Variants in VIRMA observed in about 807,000 individuals in gnomAD.
VIRMA encodes vir like m6A methyltransferase associated, also known as protein virilizer homolog.
In VIRMA, 65 loss-of-function variants were observed where a neutral mutation model predicts 182.4. That is an observed-to-expected ratio of 0.36 (90% CI 0.29 to 0.44). VIRMA has a LOEUF of 0.44. Among genes scored for constraint, VIRMA ranks in the 20% least tolerant of loss-of-function variants. The pLI, the probability that VIRMA is intolerant of heterozygous loss-of-function variation, is 1.00. For synonymous variants in VIRMA, 709 were observed against 743.1 expected (o/e 0.95, Z 0.75); for missense variants, 1,752 against 2,158.1 (o/e 0.81, Z 3.73).
intron 15 of VIRMA, 140 bp downstream of exon 15, chr8:94,509,548 A>G: frequency 1.2e-6 from 1 of 850,396 alleles, no homozygotes; most frequent in South Asian, 2.2e-5. Context: ...CAGAGAACCC[A>G]TGAACAACAG....
In VIRMA at chr8:94,538,295, G is replaced by T; in HGVS notation, c.231C>A (p.Ser77Arg). The T allele has an allele frequency of 6.2e-7, 1 of 1,613,448 alleles. No homozygotes were observed. The highest frequency in any genetic ancestry group is 8.5e-7 in the Non-Finnish European group (1 of 1,179,512). ...FQLDLFFNNV[S>R]KPSAPVFDRL... ...TATCGAAAACAGGGGCACTTGGTTTGCTTACATTGTTGAAGAATAAGTCTA... is the reference window on the plus strand; with the variant it reads ...TATCGAAAACAGGGGCACTTGGTTTTCTTACATTGTTGAAGAATAAGTCTA... The change falls in exon 3 of 24, where the codon AGC becomes AGA. Residue 77 changes from serine (S) to arginine (R), a missense_variant. Ser to Arg is a moderately radical substitution (Grantham distance 110, BLOSUM62 -1). Around this residue, in one of 11 missense-constraint regions of VIRMA, gnomAD observed 195 missense variants for 191.7 expected, o/e 1.02. Transcript: ENST00000297591.
At chr8:94,494,523 C>T (rs1813703170) in intron 20 of VIRMA, among the ~76,000 whole-genome samples, 1 of 126,880 alleles carries the variant, frequency 7.9e-6, no homozygotes, top group Non-Finnish European at 1.5e-5. Context: ...ACCCGGGAAA[C>T]GGAGGTTGCA....
At chr8:94,546,958 T>C (rs12334990) in intron 1 of VIRMA, 18,454 of 455,454 alleles carry the variant, frequency 0.041, 586 homozygotes, top group Non-Finnish European at 0.051. Flanking sequence ...CTCATTTTTA[T>C]GCCCTCACTC....
chr8:94,543,247 A>C (rs537167250), intron 2 of VIRMA, among the ~76,000 whole-genome samples: 25 of 151,900 alleles, frequency 1.6e-4, no homozygotes, highest in African/African-American at 6.0e-4. Context: ...TCTACTAAAA[A>C]TACAAAAAAT....
chr8:94,512,719 G>C (rs1006041940), intron 11 of VIRMA, among the ~76,000 whole-genome samples: 1 of 152,188 alleles, frequency 6.6e-6, no homozygotes, highest in African/African-American at 2.4e-5. Flanking sequence ...CAAGACTAGA[G>C]TAAACTGTGA....
chr8:94,515,095 A>AT, intron 10 of VIRMA, 144 bp from the exon 11 acceptor site: 1 of 427,260 alleles, frequency 2.3e-6, no homozygotes. Context: ...CATGCATCTA[A>AT]TTCTTTTTTT....
chr8:94,511,969 GT>G, intron 12 of VIRMA, 26 bp downstream of exon 12: 1 of 1,339,826 alleles, frequency 7.5e-7, no homozygotes, highest in Non-Finnish European at 1.0e-6. Flanking sequence ...AAGAATCGTA[GT>G]TTTTAAAATA....
intron 22 of VIRMA, among the ~76,000 whole-genome samples, chr8:94,490,739 C>T (rs931276361): frequency 7.3e-5 from 11 of 151,724 alleles, no homozygotes; most frequent in Admixed American, 1.3e-4. Flanking sequence ...CCCAGTTACT[C>T]GGGAGGTTGA....
chr8:94,543,978 G>A (rs189516191), intron 1 of VIRMA, 36 bp from the exon 2 acceptor site: 147 of 1,031,724 alleles, frequency 1.4e-4, no homozygotes, highest in Middle Eastern at 4.1e-4. Context: ...GGAGGGGTTC[G>A]GAACATTATG....
intron 1 of VIRMA, among the ~76,000 whole-genome samples, chr8:94,544,530 G>A (rs995514798): frequency 4.0e-5 from 6 of 151,842 alleles, no homozygotes; most frequent in East Asian, 1.9e-4. Flanking sequence ...GTGCAGTGGC[G>A]GGCACCTGTA....
At position 94,492,749 on chromosome 8, in the gene VIRMA, G is replaced by A. The variant is rs754583596; in HGVS notation, c.4711C>T (p.Arg1571Cys). The change falls in exon 21 of 24, where the codon CGC becomes TGC. Residue 1571 changes from arginine to cysteine, a missense_variant. By Grantham distance (180) the Arg-to-Cys change is radical. Coordinates refer to ENST00000297591, the MANE Select transcript of VIRMA (RefSeq NM_015496.5). Reference sequence around the variant, plus strand: ...GATGATGGTTCTGACAAAAATGAGCGCTCTAATTCTGAGTGCAAATCAAAG... The same window carrying A: ...GATGATGGTTCTGACAAAAATGAGCACTCTAATTCTGAGTGCAAATCAAAG... The part of the protein sequence containing the change: ...SDFDLHSELE[R>C]SFLSEPSSPG... The A allele has an allele frequency of 9.9e-6, 16 of 1,613,566 alleles. No homozygotes were observed. In the Middle Eastern group the frequency reaches 5.0e-4, roughly 50 times the overall value.
chr8:94,496,101 C>A, intron 18 of VIRMA: 1 of 615,410 alleles, frequency 1.6e-6, no homozygotes, highest in Non-Finnish European at 2.7e-6. Flanking sequence ...GGGTACCCTG[C>A]TTCCAAGGAA....
intron 4 of VIRMA, among the ~76,000 whole-genome samples, chr8:94,535,781 C>CA (rs56126709): frequency 0.094 from 8,267 of 87,576 alleles, 253 homozygotes; most frequent in South Asian, 0.14. Flanking sequence ...GACTTGGTCT[C>CA]AAAAAAAAAA....
intron 8 of VIRMA, 41 bp from the exon 9 acceptor site, chr8:94,519,517 G>A: frequency 6.6e-7 from 1 of 1,505,362 alleles, no homozygotes; most frequent in African/African-American, 1.4e-5. Flanking sequence ...TCAGTGCAAA[G>A]CATTCTTCAT....
At position 94,507,940 on chromosome 8, in the gene VIRMA, T is replaced by TATATGTGTATATATGTATATAC. The variant is rs199849307; in HGVS notation, c.3880-1245_3880-1224dup. Among the ~76,000 whole-genome samples, 56 of 81,870 alleles carry TATATGTGTATATATGTATATAC rather than the reference T, an allele frequency of 6.8e-4. 1 individual carries two copies. The highest frequency in any genetic ancestry group is 2.0e-3 in the African/African-American group (47 of 23,358). 53.7% of individuals were successfully genotyped at this position (81,870 alleles called of 152,430 possible). ...GTGTATATATGTATGTACATATGTG[T>TATATGTGTATATATGTATATAC]ATATGTGTATATATGTATATACATA... On this transcript the variant is annotated intron_variant, in intron 15 of 23. Transcript: ENST00000297591.
At chr8:94,494,348 C>T (rs1012719732) in intron 20 of VIRMA, among the ~76,000 whole-genome samples, 6 of 151,468 alleles carry the variant, frequency 4.0e-5, no homozygotes, top group African/African-American at 1.5e-4. Context: ...TCTCAGCACT[C>T]TGGGAGGCCA....
chr8:94,534,890 GT>G lies in VIRMA; in HGVS notation c.432del (p.Pro145ArgfsTer11), dbSNP rs752180876. 1 of 1,612,846 alleles carries G rather than the reference GT, an allele frequency of 6.2e-7. No individual in the cohort carries two copies. The highest frequency in any genetic ancestry group is 1.1e-5 in the South Asian group (1 of 90,986). ...GGTTGTGGCTGGGGAGGTGGTGGCG[GT>G]GGAGGTGGTGGTGGTGGAGAGTCTC... is the stretch of plus-strand genomic sequence containing the variant. ...HDRDSPPPPPPPPPPPQPQPS... is the reference protein window; with the variant it reads ...HDRDSPPPPPXPPPPPQPQPS... On this transcript the variant is annotated frameshift_variant, in exon 5 of 24. Transcript: ENST00000297591. LOFTEE classifies it high-confidence loss of function.
At chr8:94,548,519 A>G (rs1325482429) in intron 1 of VIRMA, among the ~76,000 whole-genome samples, 1 of 151,274 alleles carries the variant, frequency 6.6e-6, no homozygotes, top group Non-Finnish European at 1.5e-5. Flanking sequence ...ACAGGAATAT[A>G]CAAATACAAT....
At chr8:94,506,780 T>G (rs777701581) in intron 15 of VIRMA, 63 bp from the exon 16 acceptor site, 53 of 988,858 alleles carry the variant, frequency 5.4e-5, no homozygotes, top group Non-Finnish European at 7.3e-5. Context: ...CTTAGCACTT[T>G]TGAGAAATAC....
Sources: allele counts gnomAD v4.1 joint callset (sites outside exome capture counted in the v4.1 genomes callset), GRCh38; gene constraint gnomAD v4.1.1; regional missense constraint gnomAD v4.1.1; transcripts MANE v1.5; gene names NCBI Gene and HGNC (gene_info 2026-07-23, HGNC 2026-07-21).